The following CYP27A1 variants were observed in gnomAD, a reference collection of about 807,000 sequenced individuals.
CYP27A1 encodes the protein cytochrome P450 family 27 subfamily A member 1.
A neutral mutation model predicts 58.2 loss-of-function variants in CYP27A1; 46 were observed. That is an observed-to-expected ratio of 0.79 (90% CI 0.62 to 1.01). CYP27A1 has a LOEUF of 1.01. Ranked by LOEUF, CYP27A1 falls within the 50% of genes least tolerant of loss-of-function variation. The probability of loss-of-function intolerance (pLI) is 0.00; values close to 1 mark genes in which losing one functional copy is unlikely to be tolerated. For synonymous variants in CYP27A1, 274 were observed against 285.1 expected (o/e 0.96, Z 0.39); for missense variants, 704 against 687.0 (o/e 1.02, Z -0.28).
At chr2:218,794,223 T>C (rs1408428807) in intron 1 of CYP27A1, among the ~76,000 whole-genome samples, 1 of 152,186 alleles carries the variant, frequency 6.6e-6, no homozygotes, top group Admixed American at 6.5e-5. Context: ...GGGACCTCTT[T>C]TTACTTGGCT....
chr2:218,812,422 G>A lies in CYP27A1; in HGVS notation c.646+1G>A. The A allele has an allele frequency of 6.2e-7, 1 of 1,614,178 alleles. No homozygotes were observed. The highest frequency in any genetic ancestry group is 1.1e-5 in the South Asian group (1 of 91,084). On this transcript the variant is annotated splice_donor_variant, in intron 3 of 8. Coordinates refer to ENST00000258415, the MANE Select transcript of CYP27A1 (RefSeq NM_000784.4). LOFTEE classifies it high-confidence loss of function. ...CTCTTCTACTACTTTGCCTTGGAAG[G>A]TACCCTTGCTGGGAGAGGGGCTGGG...
intron 1 of CYP27A1, among the ~76,000 whole-genome samples, chr2:218,789,781 C>T (rs577300698): frequency 6.6e-6 from 1 of 152,278 alleles, no homozygotes; most frequent in East Asian, 1.9e-4. Flanking sequence ...TCATTATCAC[C>T]ATTGTAAATG....
At chr2:218,792,829 A>G (rs1277280436) in intron 1 of CYP27A1, among the ~76,000 whole-genome samples, 2 of 152,196 alleles carry the variant, frequency 1.3e-5, no homozygotes, top group African/African-American at 4.8e-5. Context: ...TAATTTGACA[A>G]TGCTTCCCAT....
At chr2:218,783,277 GAAAAAAA>G (rs1342341916) in intron 1 of CYP27A1, among the ~76,000 whole-genome samples, 6 of 132,428 alleles carry the variant, frequency 4.5e-5, no homozygotes, top group Admixed American at 1.5e-4. Flanking sequence ...AAAAAAAAAA[GAAAAAAA>G]GAAAAAAGAA....
At chr2:218,804,071 T>A (rs1000472737) in intron 1 of CYP27A1, among the ~76,000 whole-genome samples, 2 of 151,440 alleles carry the variant, frequency 1.3e-5, no homozygotes, top group Admixed American at 6.6e-5. Context: ...TTTATCTATT[T>A]AAAAAAAATT....
chr2:218,807,298 A>T (rs1943662175), intron 1 of CYP27A1, among the ~76,000 whole-genome samples: 2 of 152,114 alleles, frequency 1.3e-5, no homozygotes, highest in South Asian at 4.1e-4. Context: ...ATGTGTATGT[A>T]AAGTATTTTT....
intron 1 of CYP27A1, among the ~76,000 whole-genome samples, chr2:218,808,213 A>T (rs537940085): frequency 4.0e-4 from 61 of 152,342 alleles, no homozygotes; most frequent in African/African-American, 1.4e-3. Context: ...TCCTACCAGC[A>T]GTATATTTTC....
rs1178297854 is a variant in CYP27A1, at chr2:218,812,604, C to A, written c.699C>A (p.Ile233=). 1.9e-6 allele frequency: 3 copies of A among 1,614,090 alleles called. No individual in the cohort carries two copies. The highest frequency in any genetic ancestry group is 1.3e-5 in the African/African-American group (1 of 74,928). Residue 233 remains isoleucine, a synonymous_variant, in exon 4 of 9, where the codon ATC becomes ATA. Coordinates refer to ENST00000258415, the MANE Select transcript of CYP27A1 (RefSeq NM_000784.4). ...EKRIGCLQRS[I]PEDTVTFVRS... ...GCATTGGCTGCCTGCAGCGATCCAT[C>A]CCCGAGGACACCGTGACCTTCGTCA...
rs57956133 is a variant in CYP27A1 at position 218,809,442 on chromosome 2, C to CTTTTTTTTTTTTTTTTTTTTTTT, written c.256-113_256-112insTTTTTTTTTTTTTTTTTTTTTTT. 5.5e-6 allele frequency: 2 copies of CTTTTTTTTTTTTTTTTTTTTTTT among 365,316 alleles called. 1 individual carries two copies. Among genetic ancestry groups the CTTTTTTTTTTTTTTTTTTTTTTT allele is most frequent in the African/African-American group, 6.7e-5 (2 of 29,836 alleles). The allele number at this position is 365,316 out of a possible 1,614,324, so 22.6% of individuals were successfully genotyped here. A position where few individuals can be genotyped will look rare whatever the true frequency, so the allele number is the denominator to read the frequency against. The stretch of plus-strand genomic sequence containing the variant: ...TGGTGCCTACATCATACACAATGCC[C>CTTTTTTTTTTTTTTTTTTTTTTT]TTTTTTTTTTTTTTTTTTTTTTGCC... On this transcript the variant is annotated intron_variant, in intron 1 of 8. Transcript: ENST00000258415.
chr2:218,794,809 G>A (rs185883634), intron 1 of CYP27A1, among the ~76,000 whole-genome samples: 1 of 152,284 alleles, frequency 6.6e-6, no homozygotes, highest in East Asian at 1.9e-4. Flanking sequence ...GGTCCTAGGG[G>A]TTCAGGATGC....
Position 218,787,313 on chromosome 2 carries a change from G to T in CYP27A1, c.255+4876G>T, listed in dbSNP as rs372869132. ...CCCAGCTCCCTGATCTGGGTTGTTT[G>T]ACATAATATAGAGTGAAGAAAAGAC... On this transcript the variant is annotated intron_variant, in intron 1 of 8. Coordinates refer to ENST00000258415, the MANE Select transcript of CYP27A1 (RefSeq NM_000784.4). 9.2e-5 allele frequency among the ~76,000 whole-genome samples: 14 copies of T among 152,288 alleles called. No individual in the cohort carries two copies. In the East Asian group the frequency reaches 2.5e-3, roughly 27 times the overall value.
intron 1 of CYP27A1, among the ~76,000 whole-genome samples, chr2:218,790,133 G>A (rs1280139222): frequency 6.6e-6 from 1 of 152,120 alleles, no homozygotes; most frequent in Non-Finnish European, 1.5e-5. Context: ...TTAGGTAAGA[G>A]TATGAGCAAA....
At position 218,814,164 on chromosome 2, in the gene CYP27A1, A is replaced by C. The variant is rs1559393286; in HGVS notation, c.1161A>C (p.Lys387Asn). 1.9e-6 allele frequency: 3 copies of C among 1,614,236 alleles called. No individual in the cohort carries two copies. Among genetic ancestry groups the C allele is most frequent in the Non-Finnish European group, 2.5e-6 (3 of 1,180,048 alleles). Residue 387 changes from lysine (K) to asparagine (N), a missense_variant, in exon 6 of 9, where the codon AAA (lysine) becomes AAC (asparagine). Transcript: ENST00000258415. ...ACTTTGCCCACATGCCGTTGCTCAAAGCTGTGCTTAAGGAGACTCTGCGGT... is the reference window on the plus strand; with the variant it reads ...ACTTTGCCCACATGCCGTTGCTCAACGCTGTGCTTAAGGAGACTCTGCGGT... ...HKDFAHMPLL[K>N]AVLKETLRLY...
chr2:218,801,859 G>A (rs1488917770), intron 1 of CYP27A1, among the ~76,000 whole-genome samples: 1 of 151,988 alleles, frequency 6.6e-6, no homozygotes, highest in African/African-American at 2.4e-5. Flanking sequence ...TAGTTTCTGT[G>A]TATGGTGTGA....
At chr2:218,802,472 T>G (rs1442552050) in intron 1 of CYP27A1, among the ~76,000 whole-genome samples, 1 of 152,240 alleles carries the variant, frequency 6.6e-6, no homozygotes, top group African/African-American at 2.4e-5. Context: ...GCTTTGATTC[T>G]CAGGATGCAT....
chr2:218,791,929 A>G (rs1943496975), intron 1 of CYP27A1, among the ~76,000 whole-genome samples: 1 of 152,152 alleles, frequency 6.6e-6, no homozygotes, highest in Non-Finnish European at 1.5e-5. Context: ...TGACAATAGA[A>G]TGAAATCCCT....
At chr2:218,791,074 G>C (rs912280365) in intron 1 of CYP27A1, among the ~76,000 whole-genome samples, 2 of 152,128 alleles carry the variant, frequency 1.3e-5, no homozygotes, top group African/African-American at 4.8e-5. Flanking sequence ...GACTTCAAGT[G>C]ATCCAACCGC....
rs747389432 is a variant in CYP27A1 at position 218,815,022 on chromosome 2, C to T, written c.1588C>T (p.Gln530Ter). The change falls in exon 9 of 9, where the codon CAG (glutamine) becomes TAG (stop). Residue 530 changes from glutamine (Q) to a stop codon, truncating the protein, a stop_gained. Transcript: ENST00000258415. LOFTEE classifies it high-confidence loss of function. ...AGTGGGCCTGCAGTTCCTGCAGAGA[C>T]AGTGCTGAGCTGAGTCTCCGCCTTG... ...KKVGLQFLQR[Q>*]C The T allele has an allele frequency of 2.5e-6, 4 of 1,614,218 alleles. No homozygotes were observed. The South Asian group carries it at 4.4e-5, about 18-fold the overall frequency.
chr2:218,809,531 C>T lies in CYP27A1; in HGVS notation c.256-46C>T, dbSNP rs375739880. ...CACCTCATCTCCTGTCCTGGGAGCA[C>T]CTGCCCAGCTTGGCCCAGTTATTCA... On this transcript the variant is annotated intron_variant, in intron 1 of 8. Coordinates refer to ENST00000258415, the MANE Select transcript of CYP27A1 (RefSeq NM_000784.4). 20 of 1,559,726 alleles carry T rather than the reference C, an allele frequency of 1.3e-5. No individual in the cohort carries two copies. In the African/African-American group the frequency reaches 2.0e-4, roughly 15 times the overall value.
Sources: allele counts gnomAD v4.1 joint callset (sites outside exome capture counted in the v4.1 genomes callset), GRCh38; gene constraint gnomAD v4.1.1; transcripts MANE v1.5; gene names NCBI Gene and HGNC (gene_info 2026-07-23, HGNC 2026-07-21).